CDH12: variants seen among roughly 807,000 people sequenced by gnomAD.
CDH12 encodes cadherin 12.
A neutral mutation model predicts 74.1 loss-of-function variants in CDH12; 41 were observed. The observed-to-expected ratio is 0.55, with a 90% CI of 0.43 to 0.72. CDH12 has a LOEUF of 0.72. Ranked by LOEUF, CDH12 falls within the 30% of genes least tolerant of loss-of-function variation. The pLI is 0.00. For synonymous variants in CDH12, 399 were observed against 355.0 expected, an observed-to-expected ratio of 1.12 and a Z score of -1.39; for missense variants, 945 against 977.2, an observed-to-expected ratio of 0.97 and a Z score of 0.44.
chr5:22,125,640 T>C (rs996655701), intron 4 of CDH12, among the ~76,000 whole-genome samples: 2 of 152,162 alleles, frequency 1.3e-5, no homozygotes, highest in Non-Finnish European at 2.9e-5. Flanking sequence ...ACCACCAACC[T>C]CTGCAAGTAA....
At chr5:22,084,692 C>G (rs1039781424) in intron 4 of CDH12, among the ~76,000 whole-genome samples, 4 of 152,094 alleles carry the variant, frequency 2.6e-5, no homozygotes, top group Non-Finnish European at 5.9e-5. Flanking sequence ...ATTTTCAGTA[C>G]AGGATGCTGC....
chr5:22,469,177 C>T (rs919589940), intron 2 of CDH12, among the ~76,000 whole-genome samples: 9 of 152,196 alleles, frequency 5.9e-5, no homozygotes, highest in Non-Finnish European at 1.2e-4. Context: ...TCAAAGTATA[C>T]TCTCCACCAA....
intron 3 of CDH12, among the ~76,000 whole-genome samples, chr5:22,377,270 A>G (rs1008749605): frequency 6.6e-6 from 1 of 152,190 alleles, no homozygotes; most frequent in African/African-American, 2.4e-5. Flanking sequence ...AAACTTACAT[A>G]TTACAGTGTA....
At chr5:22,041,515 G>A (rs149877297) in intron 5 of CDH12, among the ~76,000 whole-genome samples, 266 of 152,214 alleles carry the variant, frequency 1.7e-3, no homozygotes, top group Admixed American at 2.9e-3. Context: ...GACATCACAG[G>A]TAGCTATACT....
intron 4 of CDH12, among the ~76,000 whole-genome samples, chr5:22,146,918 C>T (rs1747224310): frequency 6.6e-6 from 1 of 152,076 alleles, no homozygotes; most frequent in Admixed American, 6.6e-5. Flanking sequence ...CAAGACAAGA[C>T]CACATGAAAT....
chr5:22,505,089 G>C (rs866272941), intron 2 of CDH12, among the ~76,000 whole-genome samples, 181 bp downstream of exon 2: 5 of 151,838 alleles, frequency 3.3e-5, no homozygotes, highest in African/African-American at 1.2e-4. Context: ...GAAATAACTG[G>C]TTACTTCAAG....
intron 4 of CDH12, among the ~76,000 whole-genome samples, chr5:22,138,873 T>TATATATATATAC (rs1561151408): frequency 2.2e-5 from 3 of 139,416 alleles, no homozygotes; most frequent in Non-Finnish European, 4.7e-5. Flanking sequence ...TATATATATA[T>TATATATATATAC]ATACATGTTG....
chr5:22,828,181 C>A (rs10078060), intron 1 of CDH12, among the ~76,000 whole-genome samples: 64 of 152,150 alleles, frequency 4.2e-4, no homozygotes, highest in African/African-American at 1.4e-3. Flanking sequence ...GAAATAAGTG[C>A]AAACCCTTAC....
At chr5:22,774,640 G>A (rs1031969350) in intron 1 of CDH12, among the ~76,000 whole-genome samples, 5 of 152,100 alleles carry the variant, frequency 3.3e-5, no homozygotes, top group African/African-American at 7.2e-5. Flanking sequence ...TGCCATCCAC[G>A]CAAGACATGA....
At chr5:22,622,681 T>C (rs988975053) in intron 1 of CDH12, among the ~76,000 whole-genome samples, 46 of 139,304 alleles carry the variant, frequency 3.3e-4, no homozygotes, top group African/African-American at 1.2e-3. Context: ...CAATAATTAG[T>C]AGCCTACCAC....
At chr5:22,749,681 A>G (rs1745464548) in intron 1 of CDH12, among the ~76,000 whole-genome samples, 1 of 152,152 alleles carries the variant, frequency 6.6e-6, no homozygotes, top group East Asian at 1.9e-4. Flanking sequence ...TATTTTTTCT[A>G]TGAACACAGA....
At chr5:21,872,201 G>A (rs1382394231) in intron 6 of CDH12, among the ~76,000 whole-genome samples, 1 of 152,134 alleles carries the variant, frequency 6.6e-6, no homozygotes, top group Admixed American at 6.5e-5. Context: ...ATCTAATGCT[G>A]TGACAGCAAC....
intron 2 of CDH12, among the ~76,000 whole-genome samples, chr5:22,444,244 G>A (rs1421451715): frequency 2.0e-5 from 3 of 151,674 alleles, no homozygotes; most frequent in Admixed American, 6.6e-5. Context: ...GAATATACAT[G>A]CACACACACA....
At chr5:22,539,182 G>A (rs962215238) in intron 1 of CDH12, among the ~76,000 whole-genome samples, 1 of 152,216 alleles carries the variant, frequency 6.6e-6, no homozygotes, top group Non-Finnish European at 1.5e-5. Context: ...GATATTCTGT[G>A]TAATAAAAAA....
intron 11 of CDH12, among the ~76,000 whole-genome samples, chr5:21,777,094 CAT>C (rs1745631043): frequency 2.6e-5 from 4 of 152,204 alleles, no homozygotes; most frequent in African/African-American, 9.6e-5. Context: ...ATTAATTAAA[CAT>C]AAAGTTATTT....
chr5:22,391,996 T>C (rs572641153), intron 3 of CDH12, among the ~76,000 whole-genome samples: 1 of 152,318 alleles, frequency 6.6e-6, no homozygotes, highest in African/African-American at 2.4e-5. Flanking sequence ...AGGTAAGGGA[T>C]GGAAAAGCTT....
chr5:22,434,914 A>G (rs971456788), intron 2 of CDH12, among the ~76,000 whole-genome samples: 4 of 152,164 alleles, frequency 2.6e-5, no homozygotes, highest in African/African-American at 9.6e-5. Flanking sequence ...GAAACAGTGA[A>G]AGAGATCTAA....
chr5:22,354,472 A>T (rs1740481609), intron 3 of CDH12, among the ~76,000 whole-genome samples: 1 of 152,174 alleles, frequency 6.6e-6, no homozygotes, highest in Non-Finnish European at 1.5e-5. Flanking sequence ...ATTATTTAAG[A>T]AGACACACAT....
intron 6 of CDH12, among the ~76,000 whole-genome samples, chr5:21,915,934 A>G (rs572359880): frequency 1.8e-5 from 2 of 108,734 alleles, no homozygotes; most frequent in Non-Finnish European, 4.3e-5. Flanking sequence ...AGGGAGGGGT[A>G]GAAAACAAGG....
Sources: allele counts gnomAD v4.1 joint callset (sites outside exome capture counted in the v4.1 genomes callset), GRCh38; gene constraint gnomAD v4.1.1; transcripts MANE v1.5; gene names NCBI Gene and HGNC (gene_info 2026-07-23, HGNC 2026-07-21).